ALMS1: variants seen among roughly 807,000 people sequenced by gnomAD.
ALMS1 encodes centrosome-associated protein ALMS1.
In ALMS1, 271 loss-of-function variants were observed where a neutral mutation model predicts 352.2. The ratio of observed to expected loss-of-function variants is 0.77; its 90% CI spans 0.70 to 0.85. The LOEUF (loss-of-function observed/expected upper bound fraction) is 0.85. ALMS1 is among the 40% of genes least tolerant of loss of function. The probability of loss-of-function intolerance (pLI) is 0.00; values close to 1 mark genes in which losing one functional copy is unlikely to be tolerated. For synonymous variants in ALMS1, 1,865 were observed against 1,761.2 expected, an observed-to-expected ratio of 1.06 and a Z score of -1.48; for missense variants, 5,445 against 4,870.7, an observed-to-expected ratio of 1.12 and a Z score of -3.51.
chr2:73,400,245 C>T (rs1670848423), intron 1 of ALMS1, among the ~76,000 whole-genome samples: 1 of 152,166 alleles, frequency 6.6e-6, no homozygotes, highest in Non-Finnish European at 1.5e-5. Flanking sequence ...TGTGTCCAGC[C>T]TTAACTGACT....
chr2:73,406,117 T>G (rs1003174749), intron 1 of ALMS1, among the ~76,000 whole-genome samples: 2 of 152,186 alleles, frequency 1.3e-5, no homozygotes, highest in Non-Finnish European at 2.9e-5. Context: ...GTTATTGAAG[T>G]CTCTCACTGT....
At chr2:73,551,551 C>T (rs942833308) in intron 13 of ALMS1, among the ~76,000 whole-genome samples, 1 of 150,736 alleles carries the variant, frequency 6.6e-6, no homozygotes, top group Non-Finnish European at 1.5e-5. Context: ...ATTCTCCTGC[C>T]TCAGCCTCGA....
intron 15 of ALMS1, among the ~76,000 whole-genome samples, chr2:73,566,767 C>A (rs909352604): frequency 2.0e-5 from 3 of 152,182 alleles, no homozygotes; most frequent in African/African-American, 7.2e-5. Flanking sequence ...ATGGCTTGGC[C>A]TCCTATACTT....
chr2:73,552,609 T>C (rs1444405567), intron 13 of ALMS1, among the ~76,000 whole-genome samples: 1 of 152,240 alleles, frequency 6.6e-6, no homozygotes, highest in Non-Finnish European at 1.5e-5. Flanking sequence ...TGAGGACCTC[T>C]ACAATCTCCC....
At chr2:73,540,373 G>A (rs535593052) in intron 12 of ALMS1, among the ~76,000 whole-genome samples, 33 of 152,236 alleles carry the variant, frequency 2.2e-4, no homozygotes, top group African/African-American at 7.2e-4. Flanking sequence ...AAGGAAGCAC[G>A]AAACATGGAA....
rs1017343934 is a variant in ALMS1, at chr2:73,558,853, T to G, written c.10214-119T>G. 7.3e-6 allele frequency: 8 copies of G among 1,097,958 alleles called. No individual in the cohort carries two copies. In the Admixed American group the frequency reaches 9.6e-5, roughly 13 times the overall value. The allele number at this position is 1,097,958 out of a possible 1,614,324, so 68.0% of individuals were successfully genotyped here. ...ATTATTTTCTAAACGCATTTCTGAG[T>G]CATCTTTTTTCTTCAATATCAGTAA... On this transcript the variant is annotated intron_variant, in intron 14 of 22. Coordinates refer to ENST00000613296, the MANE Select transcript of ALMS1 (RefSeq NM_001378454.1).
rs1671931926 is a variant in ALMS1 at position 73,451,274 on chromosome 2, C to A, written c.4747C>A (p.Gln1583Lys). ...FGEKPIVNYKQAFPDGHLPEE... is the reference protein window; with the variant it reads ...FGEKPIVNYKKAFPDGHLPEE... Reference sequence around the variant, plus strand: ...AGAGAAGCCGATTGTTAACTACAAACAGGCCTTTCCAGATGGTCATCTACC... The same window carrying A: ...AGAGAAGCCGATTGTTAACTACAAAAAGGCCTTTCCAGATGGTCATCTACC... Residue 1583 changes from glutamine to lysine, a missense_variant, in exon 8 of 23, where the codon CAG (glutamine) becomes AAG (lysine). Physicochemically the swap from Gln to Lys is moderately conservative, Grantham distance 53. Coordinates refer to ENST00000613296, the MANE Select transcript of ALMS1 (RefSeq NM_001378454.1). 1 of 1,614,056 alleles carries A rather than the reference C, an allele frequency of 6.2e-7. No homozygotes were observed. Among genetic ancestry groups the A allele is most frequent in the African/African-American group, 1.3e-5 (1 of 75,006 alleles).
intron 6 of ALMS1, among the ~76,000 whole-genome samples, chr2:73,427,128 G>A (rs767517100): frequency 3.3e-4 from 50 of 152,164 alleles, no homozygotes; most frequent in Non-Finnish European, 5.6e-4. Flanking sequence ...ACAGTGTTAA[G>A]ATTAGGCTTA....
At position 73,408,870 on chromosome 2, in the gene ALMS1, T is replaced by C. The variant is rs914334066; in HGVS notation, c.450+123T>C. ...TAATATTATGTTTTCTTGTCTTTTT[T>C]TTTTTTTTTTTTTTTTTTTTAAGAC... On this transcript the variant is annotated intron_variant, in intron 2 of 22. Transcript: ENST00000613296. 23 of 833,366 alleles carry C rather than the reference T, an allele frequency of 2.8e-5. No individual in the cohort carries two copies. In the African/African-American group the frequency reaches 4.5e-4, roughly 16 times the overall value. The allele number at this position is 833,366 out of a possible 1,614,324, so 51.6% of individuals were successfully genotyped here. A position where few individuals can be genotyped will look rare whatever the true frequency, so the allele number is the denominator to read the frequency against.
At chr2:73,538,946 C>T (rs1351833822) in intron 12 of ALMS1, among the ~76,000 whole-genome samples, 2 of 152,190 alleles carry the variant, frequency 1.3e-5, no homozygotes, top group African/African-American at 4.8e-5. Context: ...TCTGTAGACT[C>T]CACCTCTGGG....
chr2:73,444,201 G>C (rs1031747802), intron 7 of ALMS1, among the ~76,000 whole-genome samples: 1 of 152,050 alleles, frequency 6.6e-6, no homozygotes, highest in East Asian at 1.9e-4. Context: ...GACTTTGAAG[G>C]GTTCTCTTAA....
chr2:73,489,446 G>A (rs566620369), intron 9 of ALMS1, among the ~76,000 whole-genome samples, 188 bp from the exon 10 acceptor site: 39 of 152,298 alleles, frequency 2.6e-4, no homozygotes, highest in African/African-American at 9.4e-4. Flanking sequence ...ATCATTGTGA[G>A]CCATTTTATT....
intron 9 of ALMS1, among the ~76,000 whole-genome samples, chr2:73,481,980 G>C (rs1439398142): frequency 6.6e-6 from 1 of 152,062 alleles, no homozygotes; most frequent in African/African-American, 2.4e-5. Flanking sequence ...ATTTTGGGCT[G>C]AGACAGTGGG....
chr2:73,491,507 CATT>C lies in ALMS1; in HGVS notation c.9539+10_9539+12del, dbSNP rs1572970962. On this transcript the variant is annotated intron_variant, in intron 10 of 22. Transcript: ENST00000613296. ...CCAGTATTTGCAGATCGGTGAGTCT[CATT>C]GTGATAACAAGCAAGCTGGATGGAC... 6.2e-7 allele frequency: 1 copy of C among 1,613,574 alleles called. No homozygotes were observed. The highest frequency in any genetic ancestry group is 8.5e-7 in the Non-Finnish European group (1 of 1,179,770).
chr2:73,553,765 C>T (rs1674487293), intron 13 of ALMS1, among the ~76,000 whole-genome samples: 1 of 152,002 alleles, frequency 6.6e-6, no homozygotes, highest in Admixed American at 6.6e-5. Context: ...TAAAACTTTT[C>T]AGAAGATAGG....
rs17848861 is a variant in ALMS1, at chr2:73,489,841, A to G, written c.7882A>G (p.Asn2628Asp). 1 of 1,614,212 alleles carries G rather than the reference A, an allele frequency of 6.2e-7. No homozygotes were observed. The highest frequency in any genetic ancestry group is 8.5e-7 in the Non-Finnish European group (1 of 1,180,036). The change falls in exon 10 of 23, where the codon AAC becomes GAC. Residue 2628 changes from asparagine (N) to aspartate (D), a missense_variant. Transcript: ENST00000613296. ...ATCATCATGCAGAGCCAAGCATGTC[A>G]ACCTTTCTGCATCCTTAGACCAGAA... ...NPSSCRAKHV[N>D]LSASLDQNNS...
chr2:73,496,573 A>G (rs1413995789), intron 10 of ALMS1, among the ~76,000 whole-genome samples: 2 of 152,180 alleles, frequency 1.3e-5, no homozygotes, highest in Non-Finnish European at 2.9e-5. Context: ...GTTTCTCTAC[A>G]GTAAATACTA....
At chr2:73,480,205 T>A (rs889747108) in intron 9 of ALMS1, among the ~76,000 whole-genome samples, 1 of 152,020 alleles carries the variant, frequency 6.6e-6, no homozygotes, top group African/African-American at 2.4e-5. Flanking sequence ...TAGGTATATC[T>A]CCTAATGCTA....
In ALMS1 at chr2:73,452,921, ACAG is replaced by A; in HGVS notation, c.6395_6397del (p.Thr2132_Val2133delinsIle). On this transcript the variant is annotated inframe_deletion, in exon 8 of 23. Transcript: ENST00000613296. ...AATTCCTGGACCAGCTGGCCAGAAA[ACAG>A]TATTACCAACAGCTCTTCCTAGTTC... 1.2e-6 allele frequency: 2 copies of A among 1,613,850 alleles called. No homozygotes were observed. Among genetic ancestry groups the A allele is most frequent in the Non-Finnish European group, 1.7e-6 (2 of 1,179,984 alleles).
Sources: allele counts gnomAD v4.1 joint callset (sites outside exome capture counted in the v4.1 genomes callset), GRCh38; gene constraint gnomAD v4.1.1; transcripts MANE v1.5; gene names NCBI Gene and HGNC (gene_info 2026-07-23, HGNC 2026-07-21).